Variants in ZNF362 observed in about 807,000 individuals in gnomAD.
ZNF362 encodes the protein rotund homolog.
ZNF362 carries 11 observed loss-of-function variants against 42.9 expected under a neutral mutation model. The observed-to-expected ratio is 0.26, with a 90% CI of 0.16 to 0.42. The LOEUF (loss-of-function observed/expected upper bound fraction) is 0.42, where lower values mean the gene tolerates loss of function less well. Among genes scored for constraint, ZNF362 ranks in the 20% least tolerant of loss-of-function variants. The probability of loss-of-function intolerance (pLI) is 1.00; values close to 1 mark genes in which losing one functional copy is unlikely to be tolerated. For synonymous variants in ZNF362, 255 were observed against 257.3 expected (o/e 0.99, Z 0.09); for missense variants, 362 against 576.2 (o/e 0.63, Z 3.81).
At chr1:33,208,444 CG>C in the ZNF362 span, among the ~76,000 whole-genome samples, 2 of 151,968 alleles carry the variant, frequency 1.3e-5, no homozygotes, top group Non-Finnish European at 2.9e-5. Flanking sequence ...AATTTAAAGT[CG>C]TTTTTTTCCA....
At chr1:33,284,742 A>T (rs1374682953) in intron 6 of ZNF362, among the ~76,000 whole-genome samples, 1 of 152,224 alleles carries the variant, frequency 6.6e-6, no homozygotes, top group Non-Finnish European at 1.5e-5. Flanking sequence ...TAATAAAGAA[A>T]AAAAAAGACC....
At chr1:33,288,711 T>A (rs1365616670) in intron 6 of ZNF362, among the ~76,000 whole-genome samples, 1 of 115,896 alleles carries the variant, frequency 8.6e-6, no homozygotes, top group Non-Finnish European at 1.7e-5. Context: ...GCCACTGCAC[T>A]CCAGCCTCGG....
chr1:33,207,811 A>G, the ZNF362 span, among the ~76,000 whole-genome samples: 1 of 151,860 alleles, frequency 6.6e-6, no homozygotes, highest in Non-Finnish European at 1.5e-5. Context: ...TTTTCTTATA[A>G]ATTTGTTTAA....
chr1:33,159,093 C>G, the ZNF362 span, among the ~76,000 whole-genome samples: 4,055 of 152,086 alleles, frequency 0.027, 86 homozygotes, highest in South Asian at 0.07. This position sits in a 1 kb window ranked among gnomAD's most constrained non-coding sequence, Gnocchi z 4.2. Flanking sequence ...AATCCACCTG[C>G]CTCGGCCTCC....
At chr1:33,160,661 T>C in the ZNF362 span, among the ~76,000 whole-genome samples, 5 of 152,120 alleles carry the variant, frequency 3.3e-5, no homozygotes, top group Non-Finnish European at 5.9e-5. Flanking sequence ...CACCTTGGCC[T>C]CCCAAAGTGC....
chr1:33,280,094 A>G lies in ZNF362; in HGVS notation c.350-30A>G. The G allele has an allele frequency of 6.5e-7, 1 of 1,528,690 alleles. No homozygotes were observed. The highest frequency in any genetic ancestry group is 8.8e-7 in the Non-Finnish European group (1 of 1,134,638). The allele number at this position is 1,528,690 out of a possible 1,614,324, so 94.7% of individuals were successfully genotyped here. A position where few individuals can be genotyped will look rare whatever the true frequency, so the allele number is the denominator to read the frequency against. On this transcript the variant is annotated intron_variant, in intron 4 of 8. Coordinates refer to ENST00000539719, the MANE Select transcript of ZNF362 (RefSeq NM_152493.3). This position sits in a 1 kb window ranked among gnomAD's most constrained non-coding sequence, Gnocchi z 5.6. ...TGAGCTGGCCTCTGCAGCTCCGCTC[A>G]CCCCTGCCCCCACCCACCTGTCTTC... is the stretch of plus-strand genomic sequence containing the variant.
chr1:33,181,498 T>A, the ZNF362 span: 21 of 1,501,480 alleles, frequency 1.4e-5, no homozygotes, highest in Middle Eastern at 8.9e-4. This position sits in a 1 kb window ranked among gnomAD's most constrained non-coding sequence, Gnocchi z 6.5. Context: ...CGCGGCGCTG[T>A]CGGAGGCAGC....
At chr1:33,169,228 C>G in the ZNF362 span, among the ~76,000 whole-genome samples, 2 of 152,094 alleles carry the variant, frequency 1.3e-5, no homozygotes, top group Non-Finnish European at 2.9e-5. Flanking sequence ...CCCAAACTTG[C>G]TCCTCTCCCC....
the ZNF362 span, among the ~76,000 whole-genome samples, chr1:33,206,817 T>C: frequency 6.6e-6 from 1 of 152,128 alleles, no homozygotes; most frequent in African/African-American, 2.4e-5. Context: ...GGAAAATTAG[T>C]ATATAAAATA....
chr1:33,276,466 C>T lies in ZNF362; in HGVS notation c.221C>T (p.Ala74Val). The change falls in exon 4 of 9, where the codon GCA (alanine) becomes GTA (valine). Residue 74 changes from alanine (A) to valine (V), a missense_variant. This residue lies in a region of ZNF362 where 266 missense variants were observed against 365.4 expected (regional missense o/e 0.73). Transcript: ENST00000539719. ...CAGCAGCCGTTGCTAGTGCCGCCGG[C>T]ACCCGCCGAGAGCAGCCAGGCCGTC... The part of the protein sequence containing the change: ...SSQQPLLVPP[A>V]PAESSQAVMS... The T allele has an allele frequency of 1.3e-6, 2 of 1,553,950 alleles. No individual in the cohort carries two copies. Among genetic ancestry groups the T allele is most frequent in the Non-Finnish European group, 8.7e-7 (1 of 1,153,892 alleles).
At chr1:33,194,073 C>A in the ZNF362 span, among the ~76,000 whole-genome samples, 4 of 151,896 alleles carry the variant, frequency 2.6e-5, no homozygotes, top group Admixed American at 6.6e-5. Context: ...AAAAAAGAAG[C>A]AAATAGAAAT....
the ZNF362 span, among the ~76,000 whole-genome samples, chr1:33,149,059 G>A: frequency 6.6e-6 from 1 of 152,134 alleles, no homozygotes; most frequent in Non-Finnish European, 1.5e-5. Flanking sequence ...CACCCCCAGA[G>A]GCTCAATTCA....
At chr1:33,296,265 C>T (rs1646123786) in intron 8 of ZNF362, among the ~76,000 whole-genome samples, 1 of 152,166 alleles carries the variant, frequency 6.6e-6, no homozygotes. Flanking sequence ...CCGCTAGATG[C>T]CAGTAGCAAC....
At chr1:33,149,688 C>T in the ZNF362 span, among the ~76,000 whole-genome samples, 5 of 152,204 alleles carry the variant, frequency 3.3e-5, no homozygotes, top group Non-Finnish European at 7.3e-5. Flanking sequence ...CTCCTGGCCT[C>T]AAGTGATCCT....
chr1:33,268,629 C>T lies in ZNF362; in HGVS notation c.-88-1858C>T, dbSNP rs141538799. 2.5e-3 allele frequency among the ~76,000 whole-genome samples: 373 copies of T among 152,194 alleles called. 2 individuals are homozygous for T. The highest frequency in any genetic ancestry group is 4.6e-3 in the Non-Finnish European group (314 of 68,030). On this transcript the variant is annotated intron_variant, in intron 1 of 8. Coordinates refer to ENST00000539719, the MANE Select transcript of ZNF362 (RefSeq NM_152493.3). ...CCTGTAAGCTGGGGCCTGAGGGATG[C>T]ATTGGAATTCACTAGTGAAATGGGG...
the ZNF362 span, among the ~76,000 whole-genome samples, chr1:33,161,341 T>C: frequency 2.6e-5 from 4 of 152,154 alleles, no homozygotes; most frequent in African/African-American, 9.7e-5. The surrounding 1 kb of genome is among the most constrained non-coding windows in gnomAD (Gnocchi z 4.3). Flanking sequence ...ACACGGGCTA[T>C]AGAAGTGCGG....
intron 6 of ZNF362, among the ~76,000 whole-genome samples, chr1:33,286,025 T>G (rs1646029944): frequency 6.6e-6 from 1 of 152,036 alleles, no homozygotes; most frequent in Non-Finnish European, 1.5e-5. Flanking sequence ...ATCGCACCAC[T>G]GCACTCCAGC....
At chr1:33,274,716 G>T (rs1044514732) in intron 2 of ZNF362, among the ~76,000 whole-genome samples, 1 of 152,144 alleles carries the variant, frequency 6.6e-6, no homozygotes, top group African/African-American at 2.4e-5. Flanking sequence ...CAAAGACTAG[G>T]GTTTGCAAAG....
chr1:33,255,351 TGTTTATCTCTG>T (rs1406236443), upstream of ZNF362, among the ~76,000 whole-genome samples: 1 of 152,206 alleles, frequency 6.6e-6, no homozygotes, highest in Non-Finnish European at 1.5e-5. Flanking sequence ...GGCAGATGAT[TGTTTATCTCTG>T]TGCCCTTCCC....
Sources: allele counts gnomAD v4.1 joint callset (sites outside exome capture counted in the v4.1 genomes callset), GRCh38; gene constraint gnomAD v4.1.1; regional missense constraint gnomAD v4.1.1; non-coding constraint Gnocchi (gnomAD v3.1); transcripts MANE v1.5; gene names NCBI Gene and HGNC (gene_info 2026-07-23, HGNC 2026-07-21).